Variants in GABPB2 observed in about 807,000 individuals in gnomAD.
GABPB2 encodes GA binding protein transcription factor subunit beta 2.
GABPB2 carries 23 observed loss-of-function variants against 39.1 expected under a neutral mutation model. That is an observed-to-expected ratio of 0.59 (90% CI 0.42 to 0.83). The LOEUF (loss-of-function observed/expected upper bound fraction) is 0.83, where lower values mean the gene tolerates loss of function less well. GABPB2 is among the 40% of genes least tolerant of loss of function. The pLI is 0.00. For synonymous variants in GABPB2, 184 were observed against 199.3 expected, an observed-to-expected ratio of 0.92 and a Z score of 0.65; for missense variants, 467 against 541.1, an observed-to-expected ratio of 0.86 and a Z score of 1.36.
At chr1:151,091,135 T>C (rs1678654510) in intron 3 of GABPB2, among the ~76,000 whole-genome samples, 1 of 151,864 alleles carries the variant, frequency 6.6e-6, no homozygotes. Flanking sequence ...TGGCCCAGGC[T>C]GAAGTGCAGT....
At chr1:151,096,034 CAAA>C (rs11307389) in intron 4 of GABPB2, among the ~76,000 whole-genome samples, 24 of 107,488 alleles carry the variant, frequency 2.2e-4, no homozygotes, top group Middle Eastern at 4.4e-3. Context: ...GTGAGACTCT[CAAA>C]AAAAAAAAAA....
At position 151,110,005 on chromosome 1, in the gene GABPB2, ATTTTTTTTTTTTTTTT is replaced by A. The variant is rs71577269; in HGVS notation, c.922+2805_922+2820del. On this transcript the variant is annotated intron_variant, in intron 7 of 8. Transcript: ENST00000368918. ...AATCATGTGCCACCATGCCCAGCTA[ATTTTTTTTTTTTTTTT>A]TTTTTTTTTTTTTTTTTTTTTGCAG... Among the ~76,000 whole-genome samples the A allele has an allele frequency of 4.7e-3, 286 of 60,772 alleles. 3 individuals are homozygous for A. The highest frequency in any genetic ancestry group is 0.03 in the Middle Eastern group (2 of 66). 39.9% of individuals were successfully genotyped at this position (60,772 alleles called of 152,430 possible).
chr1:151,083,838 T>C (rs1174564948), intron 1 of GABPB2, among the ~76,000 whole-genome samples: 1 of 150,554 alleles, frequency 6.6e-6, no homozygotes, highest in African/African-American at 2.4e-5. Context: ...ACCTCCCAGA[T>C]TCATGCAGTT....
intron 4 of GABPB2, among the ~76,000 whole-genome samples, chr1:151,094,506 T>C (rs994830958): frequency 8.7e-5 from 13 of 149,796 alleles, no homozygotes; most frequent in Non-Finnish European, 1.8e-4. Flanking sequence ...CCTGCCATCA[T>C]GCCCAGCTAA....
chr1:151,073,955 T>C (rs1571872300), intron 1 of GABPB2, among the ~76,000 whole-genome samples: 1 of 149,724 alleles, frequency 6.7e-6, no homozygotes, highest in East Asian at 2.0e-4. Flanking sequence ...AGCTACTCCA[T>C]GGGCAGTATT....
chr1:151,082,630 C>T (rs1677825027), intron 1 of GABPB2, among the ~76,000 whole-genome samples: 1 of 150,634 alleles, frequency 6.6e-6, no homozygotes, highest in African/African-American at 2.4e-5. Flanking sequence ...AGGATGGTCT[C>T]AATCTCCTGA....
intron 1 of GABPB2, among the ~76,000 whole-genome samples, chr1:151,082,057 C>G (rs1032836235): frequency 1.3e-5 from 2 of 150,876 alleles, no homozygotes; most frequent in African/African-American, 4.9e-5. Flanking sequence ...AAAAACTTGA[C>G]AAGTGGTAAT....
intron 7 of GABPB2, among the ~76,000 whole-genome samples, chr1:151,108,280 G>A (rs1259356315): frequency 6.6e-6 from 1 of 152,030 alleles, no homozygotes; most frequent in Non-Finnish European, 1.5e-5. Flanking sequence ...AGTAATTCTT[G>A]TGCCTCAGCC....
intron 1 of GABPB2, among the ~76,000 whole-genome samples, chr1:151,079,564 T>G (rs587660946): frequency 4.1e-4 from 62 of 151,602 alleles, no homozygotes; most frequent in Middle Eastern, 3.4e-3. Flanking sequence ...ATAAATACGA[T>G]AAATGTAGAT....
chr1:151,120,324 G>GT lies in GABPB2; in HGVS notation c.*2069dup, dbSNP rs1438101873. On this transcript the variant is annotated 3_prime_UTR_variant, in exon 9 of 9. Transcript: ENST00000368918. ...ACTGCACTCCAGCCTGGGCGATAGA[G>GT]TGAGACTCTGTCTCAAACAAACAAA... The GT allele has an allele frequency of 6.6e-6, 1 of 152,126 alleles. No homozygotes were observed. Among genetic ancestry groups the GT allele is most frequent in the East Asian group, 1.9e-4 (1 of 5,174 alleles). The allele number at this position is 152,126 out of a possible 1,614,324, so 9.4% of individuals were successfully genotyped here.
rs143545867 is a variant in GABPB2 at position 151,107,223 on chromosome 1, G to A, written c.922+1G>A. ...GTAACTGTGCAAGATGGACAGCAAG[G>A]TGAGTTATCTCTTGTAGACAATTGT... On this transcript the variant is annotated splice_donor_variant, in intron 7 of 8. Transcript: ENST00000368918. LOFTEE classifies it high-confidence loss of function. 1 of 1,564,086 alleles carries A rather than the reference G, an allele frequency of 6.4e-7. No homozygotes were observed. The highest frequency in any genetic ancestry group is 8.6e-7 in the Non-Finnish European group (1 of 1,156,416).
At chr1:151,074,759 T>C (rs1351913985) in intron 1 of GABPB2, among the ~76,000 whole-genome samples, 2 of 152,142 alleles carry the variant, frequency 1.3e-5, no homozygotes, top group African/African-American at 2.4e-5. Flanking sequence ...ATCTTGCTTT[T>C]GGTGGGTTTT....
rs1290555464 is a variant in GABPB2, at chr1:151,118,512, G to C, written c.*256G>C. 3 of 356,948 alleles carry C rather than the reference G, an allele frequency of 8.4e-6. No individual in the cohort carries two copies. The highest frequency in any genetic ancestry group is 8.7e-5 in the South Asian group (1 of 11,434). 22.1% of individuals were successfully genotyped at this position (356,948 alleles called of 1,614,324 possible). Reference sequence around the variant, plus strand: ...TCATATCATTGCTTTAAACATAGAAGTAAAAGAATACTGCATGTTGTGGGT... The same window carrying C: ...TCATATCATTGCTTTAAACATAGAACTAAAAGAATACTGCATGTTGTGGGT... On this transcript the variant is annotated 3_prime_UTR_variant, in exon 9 of 9. Transcript: ENST00000368918.
intron 1 of GABPB2, among the ~76,000 whole-genome samples, chr1:151,078,375 C>T (rs1457106803): frequency 2.0e-5 from 3 of 152,074 alleles, no homozygotes; most frequent in Admixed American, 6.5e-5. Context: ...GGGCGGATCA[C>T]GAGTTCAGGA....
chr1:151,087,326 G>A (rs905867640), intron 1 of GABPB2, among the ~76,000 whole-genome samples: 3 of 151,836 alleles, frequency 2.0e-5, no homozygotes, highest in South Asian at 2.1e-4. Context: ...ATGATTACAC[G>A]ATAGTCAGAA....
At chr1:151,071,691 C>T (rs1188469184) in intron 1 of GABPB2, among the ~76,000 whole-genome samples, 1 of 152,118 alleles carries the variant, frequency 6.6e-6, no homozygotes, top group African/African-American at 2.4e-5. Flanking sequence ...AGGCTGGTCT[C>T]GAACTCCTGA....
intron 5 of GABPB2, among the ~76,000 whole-genome samples, chr1:151,102,703 A>G (rs1344287965): frequency 3.9e-5 from 6 of 152,120 alleles, no homozygotes; most frequent in South Asian, 4.1e-4. Context: ...CGGCCTCCCA[A>G]AGTGCGAGGA....
At chr1:151,082,847 G>A (rs1157738477) in intron 1 of GABPB2, among the ~76,000 whole-genome samples, 1 of 151,798 alleles carries the variant, frequency 6.6e-6, no homozygotes. Flanking sequence ...ATGGTTGTGT[G>A]CACCTGTAGT....
chr1:151,107,301 G>T, intron 7 of GABPB2, 79 bp downstream of exon 7: 1 of 936,420 alleles, frequency 1.1e-6, no homozygotes. Context: ...GAGGCATTAA[G>T]ACAAATAGTG....
Sources: allele counts gnomAD v4.1 joint callset (sites outside exome capture counted in the v4.1 genomes callset), GRCh38; gene constraint gnomAD v4.1.1; transcripts MANE v1.5; gene names NCBI Gene and HGNC (gene_info 2026-07-23, HGNC 2026-07-21).